Variants in MTF2 observed in about 807,000 individuals in gnomAD.
MTF2 encodes metal-response element-binding transcription factor 2.
Under a neutral mutation model 79.5 loss-of-function variants are expected in MTF2, and 11 were observed. The ratio of observed to expected loss-of-function variants is 0.14; its 90% CI spans 0.09 to 0.23. MTF2 has a LOEUF of 0.23. Ranked by LOEUF, MTF2 falls within the 10% of genes least tolerant of loss-of-function variation. The pLI, the probability that MTF2 is intolerant of heterozygous loss-of-function variation, is 1.00. For synonymous variants in MTF2, 208 were observed against 232.8 expected, an observed-to-expected ratio of 0.89 and a Z score of 0.97; for missense variants, 486 against 711.2, an observed-to-expected ratio of 0.68 and a Z score of 3.60.
chr1:93,092,362 T>G (rs527941020), intron 1 of MTF2, among the ~76,000 whole-genome samples: 1 of 152,148 alleles, frequency 6.6e-6, no homozygotes, highest in Non-Finnish European at 1.5e-5. Flanking sequence ...CTTTTATCAT[T>G]TTCTATCTTT....
At chr1:93,125,415 A>G (rs534429333) in intron 9 of MTF2, among the ~76,000 whole-genome samples, 13 of 152,026 alleles carry the variant, frequency 8.6e-5, no homozygotes, top group Admixed American at 3.3e-4. Flanking sequence ...TAAAATGAAA[A>G]TTAAATGGAT....
At chr1:93,121,047 C>T in intron 9 of MTF2, 1 of 978,208 alleles carries the variant, frequency 1.0e-6, no homozygotes, top group East Asian at 1.1e-4. Context: ...AACCAACATT[C>T]TTCCTTCCTC....
In MTF2 at chr1:93,110,597, C is replaced by T; in HGVS notation, c.257C>T (p.Ser86Phe). Reference protein sequence around the residue: ...CFIIFEDSSKSWVLWKDIQTG... With the variant: ...CFIIFEDSSKFWVLWKDIQTG... Reference sequence around the variant, plus strand: ...ATCATATTTGAAGACAGTTCTAAATCCTGGGTTCTCTGGAAGGACATTCAA... The same window carrying T: ...ATCATATTTGAAGACAGTTCTAAATTCTGGGTTCTCTGGAAGGACATTCAA... The change falls in exon 3 of 15, where the codon TCC becomes TTC. Residue 86 changes from serine to phenylalanine, a missense_variant. Ser to Phe is a radical substitution (Grantham distance 155, BLOSUM62 -2). Transcript: ENST00000370298. 1 of 1,613,504 alleles carries T rather than the reference C, an allele frequency of 6.2e-7. No homozygotes were observed. Among genetic ancestry groups the T allele is most frequent in the Non-Finnish European group, 8.5e-7 (1 of 1,179,616 alleles).
intron 11 of MTF2, among the ~76,000 whole-genome samples, chr1:93,131,749 A>G (rs1455292819): frequency 1.3e-5 from 2 of 152,192 alleles, no homozygotes; most frequent in Non-Finnish European, 2.9e-5. Context: ...GGAATGATCC[A>G]GTGGAGAAGA....
At chr1:93,083,145 C>A (rs953036057) in intron 1 of MTF2, among the ~76,000 whole-genome samples, 2 of 152,116 alleles carry the variant, frequency 1.3e-5, no homozygotes, top group African/African-American at 4.8e-5. Flanking sequence ...GTTGAAGTGG[C>A]CCCCTTGAAG....
chr1:93,102,194 A>T (rs939914883), intron 1 of MTF2, among the ~76,000 whole-genome samples: 2 of 152,226 alleles, frequency 1.3e-5, no homozygotes, highest in Non-Finnish European at 2.9e-5. Context: ...TGCAATATGT[A>T]TAAGAAAGGG....
intron 1 of MTF2, among the ~76,000 whole-genome samples, chr1:93,090,726 C>T (rs373548970): frequency 6.7e-6 from 1 of 149,862 alleles, no homozygotes; most frequent in Non-Finnish European, 1.5e-5. Context: ...TGCAGTGGCA[C>T]GATCTCGGCT....
chr1:93,103,495 AATAT>A (rs1161814201), intron 1 of MTF2, among the ~76,000 whole-genome samples: 1 of 151,578 alleles, frequency 6.6e-6, no homozygotes, highest in East Asian at 1.9e-4. Context: ...TTTATAGAAT[AATAT>A]ATATAATGTC....
chr1:93,117,938 T>G (rs1656316873), intron 6 of MTF2, among the ~76,000 whole-genome samples: 1 of 151,804 alleles, frequency 6.6e-6, no homozygotes, highest in South Asian at 2.1e-4. Flanking sequence ...GGTGGGAGGG[T>G]CACTTGAACT....
chr1:93,124,985 T>G (rs1331958691), intron 9 of MTF2, among the ~76,000 whole-genome samples: 1 of 152,032 alleles, frequency 6.6e-6, no homozygotes, highest in Non-Finnish European at 1.5e-5. Flanking sequence ...TCTTTGGCAC[T>G]TTTATGGTAG....
intron 3 of MTF2, among the ~76,000 whole-genome samples, chr1:93,113,110 T>G (rs1210722936): frequency 1.3e-5 from 2 of 151,738 alleles, no homozygotes; most frequent in African/African-American, 2.4e-5. Context: ...CTGGGCGCAG[T>G]GCCTTATGTC....
At chr1:93,116,398 C>T (rs1401624616) in intron 6 of MTF2, among the ~76,000 whole-genome samples, 1 of 151,764 alleles carries the variant, frequency 6.6e-6, no homozygotes, top group East Asian at 1.9e-4. Context: ...AGAGGCCTAG[C>T]TTTTGGCCTA....
chr1:93,119,195 T>A (rs1557555334), intron 7 of MTF2, 138 bp from the exon 8 acceptor site: 7 of 630,214 alleles, frequency 1.1e-5, no homozygotes, highest in Middle Eastern at 4.3e-4. Context: ...GAAAGCATTA[T>A]AATTTAAATT....
chr1:93,124,135 A>T (rs1299649636), intron 9 of MTF2, among the ~76,000 whole-genome samples: 2 of 152,074 alleles, frequency 1.3e-5, no homozygotes, highest in Non-Finnish European at 2.9e-5. Context: ...ATTTTAGAAG[A>T]TAATGGTAGT....
intron 1 of MTF2, among the ~76,000 whole-genome samples, chr1:93,083,047 G>A (rs1654672041): frequency 6.6e-6 from 1 of 152,194 alleles, no homozygotes; most frequent in African/African-American, 2.4e-5. Context: ...CTGAGACTGG[G>A]TAATTTATAA....
At chr1:93,081,291 A>G (rs1388713610) in intron 1 of MTF2, among the ~76,000 whole-genome samples, 1 of 151,892 alleles carries the variant, frequency 6.6e-6, no homozygotes, top group Non-Finnish European at 1.5e-5. Context: ...TGGGTCATTA[A>G]CTCTTTGATT....
chr1:93,130,830 C>G (rs1656886744), intron 11 of MTF2, among the ~76,000 whole-genome samples: 1 of 152,098 alleles, frequency 6.6e-6, no homozygotes, highest in African/African-American at 2.4e-5. Flanking sequence ...GCCCAGATTT[C>G]TGGCCTGAGC....
At chr1:93,120,301 GAA>G (rs11414632) in intron 8 of MTF2, 1,563 of 107,184 alleles carry the variant, frequency 0.015, no homozygotes, top group Middle Eastern at 0.032. Context: ...CTGTCTCCAA[GAA>G]AAAAAAAAAA....
rs572251675 is a variant in MTF2, at chr1:93,115,898, C to G, written c.632+280C>G. ...AACTATTGAGGGAAAACATTTACTG[C>G]AGGGGCCCAGTATCAGTAGTTTCAT... On this transcript the variant is annotated intron_variant, in intron 6 of 14. Transcript: ENST00000370298. 9.2e-5 allele frequency among the ~76,000 whole-genome samples: 14 copies of G among 152,152 alleles called. 1 individual carries two copies. In the South Asian group the frequency reaches 2.9e-3, roughly 32 times the overall value.
Sources: allele counts gnomAD v4.1 joint callset (sites outside exome capture counted in the v4.1 genomes callset), GRCh38; gene constraint gnomAD v4.1.1; transcripts MANE v1.5; gene names NCBI Gene and HGNC (gene_info 2026-07-23, HGNC 2026-07-21).